PRKCB: variants seen among roughly 807,000 people sequenced by gnomAD.
PRKCB encodes protein kinase C beta type.
Under a neutral mutation model 81.5 loss-of-function variants are expected in PRKCB, and 13 were observed. That is an observed-to-expected ratio of 0.16 (90% CI 0.10 to 0.25). The LOEUF is 0.25. PRKCB is among the 10% of genes least tolerant of loss of function. The pLI is 1.00. For synonymous variants in PRKCB, 335 were observed against 321.4 expected, an observed-to-expected ratio of 1.04 and a Z score of -0.45; for missense variants, 509 against 875.7, an observed-to-expected ratio of 0.58 and a Z score of 5.29.
intron 2 of PRKCB, among the ~76,000 whole-genome samples, chr16:23,918,307 C>A (rs1963773562): frequency 6.6e-6 from 1 of 152,156 alleles, no homozygotes; most frequent in African/African-American, 2.4e-5. Context: ...AGATACTTAT[C>A]TTTTCCCTAA....
intron 2 of PRKCB, among the ~76,000 whole-genome samples, chr16:23,908,141 A>G (rs576557371): frequency 3.9e-5 from 6 of 152,164 alleles, no homozygotes; most frequent in Non-Finnish European, 7.4e-5. Context: ...GGGAAGGAGG[A>G]AAACACAGAG....
intron 3 of PRKCB, among the ~76,000 whole-genome samples, chr16:24,006,021 T>A (rs989940628): frequency 6.6e-6 from 1 of 152,146 alleles, no homozygotes; most frequent in Non-Finnish European, 1.5e-5. Flanking sequence ...ATAAGTAATG[T>A]CAGGGGCAAT....
chr16:24,095,262 G>T (rs1366629705), intron 7 of PRKCB, among the ~76,000 whole-genome samples: 3 of 152,128 alleles, frequency 2.0e-5, no homozygotes, highest in African/African-American at 7.2e-5. Context: ...GTTTTTTTAT[G>T]ACTCAAATCA....
rs58560122 is a variant in PRKCB, at chr16:23,874,568, C to CTTTTT, written c.205+37173_205+37177dup. ...GCCTAGCATCACCAGATTCTTCTCT[C>CTTTTT]TTTTTTTTTTTTTTTGTTTTGCCCC... is the stretch of plus-strand genomic sequence containing the variant. On this transcript the variant is annotated intron_variant, in intron 2 of 16. Coordinates refer to ENST00000643927, the MANE Select transcript of PRKCB (RefSeq NM_002738.7). 5.4e-4 allele frequency among the ~76,000 whole-genome samples: 72 copies of CTTTTT among 133,048 alleles called. 1 individual carries two copies. The highest frequency in any genetic ancestry group is 1.6e-3 in the African/African-American group (56 of 34,902). 87.3% of individuals were successfully genotyped at this position (133,048 alleles called of 152,430 possible).
Position 24,082,926 on chromosome 16 carries a change from A to C in PRKCB, c.530-9865A>C, listed in dbSNP as rs1966268688. On this transcript the variant is annotated intron_variant, in intron 5 of 16. Transcript: ENST00000643927. The stretch of plus-strand genomic sequence containing the variant: ...TATAAACTGGAAGAAAATATTTGCA[A>C]ATCACATATCTGACAAAGGACTTGT... Among the ~76,000 whole-genome samples, 5 of 152,218 alleles carry C rather than the reference A, an allele frequency of 3.3e-5. 1 individual carries two copies.
rs770455975 is a variant in PRKCB at position 24,220,448 on chromosome 16, G to A, written c.*5632G>A. ...TTCAAGTCAGAAGCTGATGTTCCTGGTAAAAGTTTTTACAGTTATTCTATA... is the reference window on the plus strand; with the variant it reads ...TTCAAGTCAGAAGCTGATGTTCCTGATAAAAGTTTTTACAGTTATTCTATA... On this transcript the variant is annotated 3_prime_UTR_variant, in exon 17 of 17. Transcript: ENST00000643927. The A allele has an allele frequency of 1.6e-4, 29 of 182,922 alleles. No homozygotes were observed. Among genetic ancestry groups the A allele is most frequent in the Admixed American group, 3.5e-4 (6 of 17,212 alleles). 11.3% of individuals were successfully genotyped at this position (182,922 alleles called of 1,614,324 possible).
chr16:23,874,572 T>G (rs1324004133), intron 2 of PRKCB, among the ~76,000 whole-genome samples: 4 of 151,486 alleles, frequency 2.6e-5, no homozygotes, highest in Admixed American at 1.3e-4. Flanking sequence ...TTCTCTCTTT[T>G]TTTTTTTTTT....
intron 3 of PRKCB, among the ~76,000 whole-genome samples, chr16:23,994,573 C>G (rs1026876640): frequency 7.2e-5 from 11 of 152,178 alleles, no homozygotes; most frequent in African/African-American, 2.4e-4. Flanking sequence ...CCACCATATC[C>G]CTTATTCAGC....
intron 2 of PRKCB, 53 bp from the exon 3 acceptor site, chr16:23,988,455 T>G (rs1964828900): frequency 6.9e-7 from 1 of 1,448,820 alleles, no homozygotes; most frequent in Non-Finnish European, 9.7e-7. Flanking sequence ...TCTCTCTTCC[T>G]CCTCTCCGCT....
chr16:24,128,001 T>C lies in PRKCB; in HGVS notation c.1065+4020T>C, dbSNP rs569921240. Among the ~76,000 whole-genome samples the C allele has an allele frequency of 2.6e-5, 4 of 152,264 alleles. No individual in the cohort carries two copies. In the East Asian group the frequency reaches 7.7e-4, roughly 29 times the overall value. On this transcript the variant is annotated intron_variant, in intron 9 of 16. Transcript: ENST00000643927. ...TGATTTGCTCTTCCCCTTCGAAAGA[T>C]GAAAGTGATGGGGCTTTGGGGTAAT...
In PRKCB at chr16:23,915,502, C is replaced by T. The variant is rs193100336; in HGVS notation, c.206-73006C>T. 5.2e-3 allele frequency among the ~76,000 whole-genome samples: 790 copies of T among 152,068 alleles called. 21 individuals carry two copies. The highest frequency in any genetic ancestry group is 2.8e-3 in the Non-Finnish European group (190 of 67,978). On this transcript the variant is annotated intron_variant, in intron 2 of 16. Transcript: ENST00000643927. ...GAGGTCTAGACCAGCCCTGACAACA[C>T]AGTGGGACCCCAGTCTCTATAAAAA...
At position 24,218,659 on chromosome 16, in the gene PRKCB, TTAACAGCTAGTGCCCATTAGGGGGC is replaced by T. The variant is rs1968271257; in HGVS notation, c.*3847_*3871del. 1 of 984,438 alleles carries T rather than the reference TTAACAGCTAGTGCCCATTAGGGGGC, an allele frequency of 1.0e-6. No homozygotes were observed. Among genetic ancestry groups the T allele is most frequent in the East Asian group, 1.1e-4 (1 of 8,768 alleles). The allele number at this position is 984,438 out of a possible 1,614,324, so 61.0% of individuals were successfully genotyped here. The stretch of plus-strand genomic sequence containing the variant: ...GAGTGAACCCAGCAATGAGAGATCC[TTAACAGCTAGTGCCCATTAGGGGGC>T]TAAACCTAAAGCCTGGGTGGTGATG... On this transcript the variant is annotated 3_prime_UTR_variant, in exon 17 of 17. Transcript: ENST00000643927.
intron 2 of PRKCB, among the ~76,000 whole-genome samples, chr16:23,905,875 A>G (rs1597238710): frequency 6.6e-6 from 1 of 152,270 alleles, no homozygotes; most frequent in East Asian, 1.9e-4. Context: ...TCTCATGGGG[A>G]TTGATACATA....
rs151167692 is a variant in PRKCB, at chr16:23,973,326, C to T, written c.206-15182C>T. On this transcript the variant is annotated intron_variant, in intron 2 of 16. Transcript: ENST00000643927. ...CCTCCCAAGTAGCTGGGATTACAAG[C>T]ACCCGCCACCACGCCCGGCTAATTT... Among the ~76,000 whole-genome samples the T allele has an allele frequency of 7.4e-4, 113 of 152,230 alleles. 1 individual carries two copies. Among genetic ancestry groups the T allele is most frequent in the African/African-American group, 2.6e-3 (106 of 41,538 alleles).
intron 7 of PRKCB, among the ~76,000 whole-genome samples, chr16:24,107,393 C>T (rs1268881871): frequency 6.6e-6 from 1 of 152,118 alleles, no homozygotes; most frequent in Non-Finnish European, 1.5e-5. Context: ...TTTCTGTGTC[C>T]TTGTTCTAAC....
At chr16:24,113,115 T>G in intron 8 of PRKCB, 46 bp downstream of exon 8, 1 of 1,475,230 alleles carries the variant, frequency 6.8e-7, no homozygotes, top group Non-Finnish European at 9.4e-7. Flanking sequence ...TCTCTTTCTT[T>G]TTTCCTTCTT....
chr16:24,006,702 A>G (rs1019389627), intron 3 of PRKCB, among the ~76,000 whole-genome samples: 6 of 152,144 alleles, frequency 3.9e-5, no homozygotes, highest in African/African-American at 1.2e-4. Flanking sequence ...CCAGAAGGAG[A>G]GAGATTATCT....
intron 2 of PRKCB, chr16:23,962,885 T>C (rs1210123075): frequency 2.0e-5 from 3 of 152,192 alleles, no homozygotes; most frequent in Non-Finnish European, 2.9e-5. Flanking sequence ...TGTAGTCTTT[T>C]ATTCTTCACC....
At chr16:24,074,869 C>A (rs1966158749) in intron 5 of PRKCB, among the ~76,000 whole-genome samples, 1 of 152,162 alleles carries the variant, frequency 6.6e-6, no homozygotes, top group South Asian at 2.1e-4. Context: ...CACCTGTAAT[C>A]CCAAAACTTT....
Sources: allele counts gnomAD v4.1 joint callset (sites outside exome capture counted in the v4.1 genomes callset), GRCh38; gene constraint gnomAD v4.1.1; transcripts MANE v1.5; gene names NCBI Gene and HGNC (gene_info 2026-07-23, HGNC 2026-07-21).